Variants in TRIO observed in about 807,000 individuals in gnomAD.
TRIO encodes the protein trio Rho guanine nucleotide exchange factor.
In TRIO, 58 loss-of-function variants were observed where a neutral mutation model predicts 351.9. The observed-to-expected ratio is 0.16, with a 90% CI of 0.13 to 0.21. The LOEUF is 0.21. Ranked by LOEUF, TRIO falls within the 10% of genes least tolerant of loss-of-function variation. The pLI is 1.00. For synonymous variants in TRIO, 1,758 were observed against 1,595.7 expected (o/e 1.10, Z -2.42); for missense variants, 3,201 against 4,027.8 (o/e 0.79, Z 5.56).
At chr5:14,456,800 T>G (rs766747972) in intron 34 of TRIO, among the ~76,000 whole-genome samples, 1 of 152,240 alleles carries the variant, frequency 6.6e-6, no homozygotes, top group Non-Finnish European at 1.5e-5. Flanking sequence ...TAATTTAAAA[T>G]TCGCATCAAA....
intron 7 of TRIO, among the ~76,000 whole-genome samples, chr5:14,298,745 G>A (rs953327974): frequency 2.0e-5 from 3 of 152,176 alleles, no homozygotes; most frequent in African/African-American, 7.2e-5. Flanking sequence ...ATAGCACCAT[G>A]TAAAAGCTGA....
intron 5 of TRIO, 69 bp from the exon 6 acceptor site, chr5:14,292,943 C>A (rs970353709): frequency 6.2e-7 from 1 of 1,606,818 alleles, no homozygotes; most frequent in Non-Finnish European, 8.5e-7. Context: ...GGTACTGCCC[C>A]ATCTGTGGGC....
intron 1 of TRIO, among the ~76,000 whole-genome samples, chr5:14,159,440 T>G (rs557427107): frequency 2.6e-5 from 4 of 152,334 alleles, no homozygotes; most frequent in Admixed American, 2.6e-4. Flanking sequence ...ATGCTTTAGC[T>G]TTTATTGTTT....
At chr5:14,329,460 A>C (rs878886070) in intron 9 of TRIO, among the ~76,000 whole-genome samples, 1 of 152,224 alleles carries the variant, frequency 6.6e-6, no homozygotes, top group Non-Finnish European at 1.5e-5. Context: ...GACACATAGA[A>C]GGCACCTTCA....
chr5:14,509,523 A>G lies in TRIO; in HGVS notation c.*1101A>G, dbSNP rs1002777693. On this transcript the variant is annotated 3_prime_UTR_variant, in exon 57 of 57. Coordinates refer to ENST00000344204, the MANE Select transcript of TRIO (RefSeq NM_007118.4). ...GAATATAAAACTGGATAATAGGGTA[A>G]TGTTTTAAAATTTATTATGCTATTA... is the stretch of plus-strand genomic sequence containing the variant. 11 of 391,594 alleles carry G rather than the reference A, an allele frequency of 2.8e-5. No individual in the cohort carries two copies. The highest frequency in any genetic ancestry group is 7.2e-5 in the Admixed American group (2 of 27,812). 24.3% of individuals were successfully genotyped at this position (391,594 alleles called of 1,614,324 possible). A position where few individuals can be genotyped will look rare whatever the true frequency, so the allele number is the denominator to read the frequency against.
chr5:14,196,430 A>T (rs1004426046), intron 1 of TRIO, among the ~76,000 whole-genome samples: 3 of 151,740 alleles, frequency 2.0e-5, no homozygotes, highest in Admixed American at 1.3e-4. Flanking sequence ...CTCAAAAAAA[A>T]AAAAAAAAAA....
chr5:14,469,605 G>A (rs2126541747), intron 37 of TRIO, among the ~76,000 whole-genome samples: 1 of 152,314 alleles, frequency 6.6e-6, no homozygotes, highest in East Asian at 1.9e-4. Flanking sequence ...ACAGCCTTAG[G>A]CTGGTGACAG....
chr5:14,389,514 T>C, intron 25 of TRIO, 116 bp downstream of exon 25: 1 of 709,818 alleles, frequency 1.4e-6, no homozygotes, highest in Non-Finnish European at 2.2e-6. Flanking sequence ...TTGTTTCCAT[T>C]TGAATGAAGC....
chr5:14,493,549 G>C (rs1052609786), intron 49 of TRIO, among the ~76,000 whole-genome samples: 1 of 152,160 alleles, frequency 6.6e-6, no homozygotes, highest in African/African-American at 2.4e-5. Flanking sequence ...ATAAACGTGT[G>C]TTCTAACTGC....
At chr5:14,350,915 T>C (rs256423) in intron 11 of TRIO, among the ~76,000 whole-genome samples, 126,134 of 152,148 alleles carry the variant, frequency 0.83, 52,572 homozygotes, top group African/African-American at 0.91. Context: ...TGCCTCAGAT[T>C]ATCAGGCGTT....
intron 1 of TRIO, chr5:14,183,951 T>C (rs1323638078): frequency 1.4e-6 from 1 of 698,126 alleles, no homozygotes; most frequent in East Asian, 2.7e-5. Flanking sequence ...CAAGAGGACA[T>C]GGCAGAAGGT....
chr5:14,408,549 C>A (rs1261909802), intron 33 of TRIO, among the ~76,000 whole-genome samples: 1 of 152,114 alleles, frequency 6.6e-6, no homozygotes, highest in Non-Finnish European at 1.5e-5. Flanking sequence ...CTCTCCGAGA[C>A]CCCACCTATG....
At chr5:14,333,957 C>G (rs1467642083) in intron 10 of TRIO, among the ~76,000 whole-genome samples, 1 of 152,212 alleles carries the variant, frequency 6.6e-6, no homozygotes, top group Non-Finnish European at 1.5e-5. Flanking sequence ...CTCAGACTCT[C>G]AAATGCTCCC....
At position 14,296,557 on chromosome 5, in the gene TRIO, A is replaced by G. The variant is rs527558101; in HGVS notation, c.1177-515A>G. Among the ~76,000 whole-genome samples the G allele has an allele frequency of 2.0e-5, 3 of 152,324 alleles. No homozygotes were observed. In the East Asian group the frequency reaches 5.8e-4, roughly 29 times the overall value. On this transcript the variant is annotated intron_variant, in intron 6 of 56. Coordinates refer to ENST00000344204, the MANE Select transcript of TRIO (RefSeq NM_007118.4). ...CCTGGGAGAAGGTGGATCTATTTAC[A>G]GAATATTTTCTGTTGGCACCCAAAA...
chr5:14,311,879 G>T (rs958157292), intron 8 of TRIO, among the ~76,000 whole-genome samples: 1 of 152,058 alleles, frequency 6.6e-6, no homozygotes, highest in Non-Finnish European at 1.5e-5. Flanking sequence ...TAAATGTCTT[G>T]GTGTATTTTG....
intron 10 of TRIO, among the ~76,000 whole-genome samples, chr5:14,335,263 C>T (rs1741290601): frequency 6.6e-6 from 1 of 152,138 alleles, no homozygotes; most frequent in Non-Finnish European, 1.5e-5. Flanking sequence ...AACTTGGAGG[C>T]CACCCCTCCC....
chr5:14,320,186 A>G (rs577704487), intron 9 of TRIO, among the ~76,000 whole-genome samples: 2 of 152,312 alleles, frequency 1.3e-5, no homozygotes, highest in African/African-American at 4.8e-5. Flanking sequence ...GTTTGGTTGA[A>G]TGAATGAATA....
At chr5:14,462,597 C>G (rs775346505) in intron 35 of TRIO, among the ~76,000 whole-genome samples, 158 bp from the exon 36 acceptor site, 2 of 152,196 alleles carry the variant, frequency 1.3e-5, no homozygotes, top group African/African-American at 2.4e-5. Context: ...TATTGGGTAG[C>G]AGGAAGAGAG....
intron 9 of TRIO, 150 bp downstream of exon 9, chr5:14,316,893 G>T: frequency 1.1e-6 from 1 of 934,320 alleles, no homozygotes. Context: ...GTGAAAACTG[G>T]GCTTAGGAAC....
Sources: gnomAD v4.1 joint callset for allele counts (sites outside exome capture counted in the v4.1 genomes callset) on GRCh38, gnomAD v4.1.1 for gene constraint, MANE v1.5 for transcripts, NCBI Gene and HGNC (gene_info 2026-07-23, HGNC 2026-07-21) for gene names.